NCAM2: variants seen among roughly 807,000 people sequenced by gnomAD.
NCAM2 encodes the protein N-CAM-2.
A neutral mutation model predicts 98.1 loss-of-function variants in NCAM2; 30 were observed. That is an observed-to-expected ratio of 0.31 (90% CI 0.23 to 0.41). The LOEUF (loss-of-function observed/expected upper bound fraction) is 0.41, where lower values mean the gene tolerates loss of function less well. Among genes scored for constraint, NCAM2 ranks in the 10% least tolerant of loss-of-function variants. NCAM2 has a pLI of 1.00. For missense variants in NCAM2, 867 were observed against 1,005.8 expected (o/e 0.86, Z 1.87); for synonymous variants, 368 against 342.4 (o/e 1.07, Z -0.83).
chr21:21,536,423 C>T (rs1404994383), intron 17 of NCAM2, among the ~76,000 whole-genome samples: 1 of 147,012 alleles, frequency 6.8e-6, no homozygotes. Flanking sequence ...ACTAGTTTCG[C>T]TCTTGTTGCC....
chr21:21,306,408 G>T (rs887658647), intron 5 of NCAM2, among the ~76,000 whole-genome samples: 2 of 152,046 alleles, frequency 1.3e-5, no homozygotes, highest in Non-Finnish European at 2.9e-5. Context: ...CTGATGAATT[G>T]ACGTCTTTCT....
At chr21:21,440,086 A>G (rs939489083) in intron 12 of NCAM2, among the ~76,000 whole-genome samples, 5 of 152,158 alleles carry the variant, frequency 3.3e-5, no homozygotes, top group Non-Finnish European at 7.3e-5. Context: ...GGCTCAACAA[A>G]CTTTAGTTCG....
At chr21:21,418,294 C>T (rs922908185) in intron 10 of NCAM2, among the ~76,000 whole-genome samples, 179 bp from the exon 11 acceptor site, 5 of 151,708 alleles carry the variant, frequency 3.3e-5, no homozygotes, top group African/African-American at 7.3e-5. Context: ...CTCATGGATA[C>T]ATCATAAAAG....
intron 11 of NCAM2, among the ~76,000 whole-genome samples, chr21:21,419,669 G>A (rs1300188752): frequency 6.6e-6 from 1 of 151,806 alleles, no homozygotes; most frequent in Non-Finnish European, 1.5e-5. Context: ...TTTCATCCAT[G>A]TCCCTACAGA....
chr21:21,058,359 T>A (rs2065255340), intron 1 of NCAM2, among the ~76,000 whole-genome samples: 1 of 152,122 alleles, frequency 6.6e-6, no homozygotes, highest in Non-Finnish European at 1.5e-5. Flanking sequence ...TTCCTAAACC[T>A]AGTTTCACAT....
chr21:21,402,683 G>T (rs2076658341), intron 9 of NCAM2, among the ~76,000 whole-genome samples: 1 of 152,038 alleles, frequency 6.6e-6, no homozygotes, highest in Admixed American at 6.6e-5. Flanking sequence ...TTGTGGCTCA[G>T]GTGGGCATCA....
chr21:21,185,958 G>A (rs1332524538), intron 1 of NCAM2, among the ~76,000 whole-genome samples: 1 of 152,182 alleles, frequency 6.6e-6, no homozygotes, highest in Non-Finnish European at 1.5e-5. Context: ...CCAGGTCAAA[G>A]TGAGGAAGCA....
At chr21:21,500,478 C>G (rs1987554561) in intron 15 of NCAM2, among the ~76,000 whole-genome samples, 1 of 152,066 alleles carries the variant, frequency 6.6e-6, no homozygotes, top group Admixed American at 6.6e-5. Context: ...TTGCTAGTAT[C>G]AGTGGTTCCA....
chr21:21,133,173 A>C (rs925079352), intron 1 of NCAM2, among the ~76,000 whole-genome samples: 8 of 152,222 alleles, frequency 5.3e-5, no homozygotes, highest in Non-Finnish European at 5.9e-5. Context: ...AAGCTACAGT[A>C]CAAACAAATA....
intron 1 of NCAM2, among the ~76,000 whole-genome samples, chr21:21,249,135 T>C (rs1048016384): frequency 2.0e-5 from 3 of 152,202 alleles, no homozygotes; most frequent in Admixed American, 2.0e-4. Flanking sequence ...TTACCTAGAA[T>C]CTAAATCAAA....
At chr21:21,518,750 G>T (rs1447643847) in intron 16 of NCAM2, among the ~76,000 whole-genome samples, 2 of 152,114 alleles carry the variant, frequency 1.3e-5, no homozygotes, top group East Asian at 3.9e-4. Flanking sequence ...TAAATGCCAG[G>T]TTATAAGCAC....
At position 21,400,043 on chromosome 21, in the gene NCAM2, A is replaced by G. The variant is rs539583488; in HGVS notation, c.1196-10231A>G. Among the ~76,000 whole-genome samples, 54 of 152,328 alleles carry G rather than the reference A, an allele frequency of 3.5e-4. No homozygotes were observed. The South Asian group carries it at 5.4e-3, about 15-fold the overall frequency. ...AGGCAGGGAGGGGGCATTTATCAAA[A>G]CAAGTATAACTTGGTACCAAGTCCA... On this transcript the variant is annotated intron_variant, in intron 9 of 17. Coordinates refer to ENST00000400546, the MANE Select transcript of NCAM2 (RefSeq NM_004540.5).
chr21:21,171,448 A>G (rs2146847173), intron 1 of NCAM2, among the ~76,000 whole-genome samples: 1 of 152,314 alleles, frequency 6.6e-6, no homozygotes, highest in Admixed American at 6.5e-5. Flanking sequence ...GAAAACTGTG[A>G]GGTACTCAGA....
intron 1 of NCAM2, among the ~76,000 whole-genome samples, chr21:21,100,326 C>T (rs774891828): frequency 4.0e-5 from 6 of 151,814 alleles, no homozygotes; most frequent in Non-Finnish European, 8.8e-5. Flanking sequence ...AGACGAGAGC[C>T]TGTAAAGGAG....
chr21:21,517,435 T>C (rs1988772411), intron 16 of NCAM2, among the ~76,000 whole-genome samples: 1 of 152,200 alleles, frequency 6.6e-6, no homozygotes, highest in African/African-American at 2.4e-5. Context: ...ACTAGTTTCT[T>C]CCTTCTATTC....
At chr21:21,125,254 G>A (rs562298990) in intron 1 of NCAM2, among the ~76,000 whole-genome samples, 4 of 145,384 alleles carry the variant, frequency 2.8e-5, no homozygotes, top group South Asian at 2.2e-4. Flanking sequence ...TCATTTCTTC[G>A]TAAAGAATAT....
intron 5 of NCAM2, among the ~76,000 whole-genome samples, chr21:21,306,208 A>G (rs2073874758): frequency 6.6e-6 from 1 of 152,162 alleles, no homozygotes; most frequent in South Asian, 2.1e-4. Flanking sequence ...GTTACAGTCA[A>G]TTGGTAATGT....
At chr21:21,247,780 G>C (rs2071332665) in intron 1 of NCAM2, among the ~76,000 whole-genome samples, 1 of 152,008 alleles carries the variant, frequency 6.6e-6, no homozygotes, top group African/African-American at 2.4e-5. Context: ...TATCATAATA[G>C]GAATCAATTA....
rs145129785 is a variant in NCAM2 at position 21,437,912 on chromosome 21, T to TTATATATA, written c.1654+5639_1654+5646dup. 8.6e-5 allele frequency among the ~76,000 whole-genome samples: 13 copies of TTATATATA among 150,324 alleles called. No individual in the cohort carries two copies. The East Asian group carries it at 1.8e-3, about 20-fold the overall frequency. The stretch of plus-strand genomic sequence containing the variant: ...TTAGAATACATATTTAAAGCACATA[T>TTATATATA]TATATATATATATATTTGAATACTA... On this transcript the variant is annotated intron_variant, in intron 12 of 17. Transcript: ENST00000400546.
Sources: gnomAD v4.1 joint callset for allele counts (sites outside exome capture counted in the v4.1 genomes callset) on GRCh38, gnomAD v4.1.1 for gene constraint, MANE v1.5 for transcripts, NCBI Gene and HGNC (gene_info 2026-07-23, HGNC 2026-07-21) for gene names.